YME1L1: variants seen among roughly 807,000 people sequenced by gnomAD.
YME1L1 encodes ATP-dependent zinc metalloprotease YME1L1.
In YME1L1, 39 loss-of-function variants were observed where a neutral mutation model predicts 90.4. The observed-to-expected ratio is 0.43, with a 90% confidence interval of 0.33 to 0.56. The LOEUF (loss-of-function observed/expected upper bound fraction) is 0.56. YME1L1 is among the 20% of genes least tolerant of loss of function. YME1L1 has a pLI of 0.03. For synonymous variants in YME1L1, 284 were observed against 287.3 expected (o/e 0.99, Z 0.12); for missense variants, 617 against 868.4 (o/e 0.71, Z 3.64).
At chr10:27,132,721 A>T in intron 7 of YME1L1, among the ~76,000 whole-genome samples, 2 of 152,048 alleles carry the variant, frequency 1.3e-5, no homozygotes, top group Non-Finnish European at 2.9e-5. Flanking sequence ...CGGGAGGCTG[A>T]GGCAGTGAAA....
intron 1 of YME1L1, chr10:27,153,099 C>T: frequency 2.2e-6 from 1 of 450,630 alleles, no homozygotes; most frequent in South Asian, 1.6e-5. Flanking sequence ...TAAACCCTTT[C>T]CTAACTCAGG....
intron 4 of YME1L1, 54 bp downstream of exon 4, chr10:27,142,333 G>C: frequency 9.5e-7 from 1 of 1,047,648 alleles, no homozygotes; most frequent in Non-Finnish European, 1.3e-6. Context: ...AGACAAATCA[G>C]ACTATAGTAA....
intron 18 of YME1L1, among the ~76,000 whole-genome samples, chr10:27,112,911 C>T (rs116973570): frequency 0.017 from 2,571 of 152,164 alleles, 145 homozygotes; most frequent in East Asian, 0.16. Flanking sequence ...GTTGCCCAGG[C>T]TGGTCAGTCT....
intron 3 of YME1L1, among the ~76,000 whole-genome samples, chr10:27,143,810 G>T (rs182115063): frequency 2.1e-3 from 313 of 152,124 alleles, no homozygotes; most frequent in African/African-American, 7.3e-3. Flanking sequence ...AAGCTCTAAT[G>T]GTATAATAAA....
intron 4 of YME1L1, among the ~76,000 whole-genome samples, chr10:27,139,351 G>A (rs1239757789): frequency 1.3e-5 from 2 of 151,996 alleles, no homozygotes; most frequent in African/African-American, 2.4e-5. Context: ...ATGATACCAC[G>A]ACGGGCTAAT....
chr10:27,145,780 T>C, intron 2 of YME1L1, 190 bp from the exon 3 acceptor site: 1 of 423,736 alleles, frequency 2.4e-6, no homozygotes, highest in Non-Finnish European at 4.0e-6. Flanking sequence ...CATATGAGGT[T>C]TGACATAGGT....
intron 18 of YME1L1, 144 bp downstream of exon 18, chr10:27,114,377 C>G (rs2056790411): frequency 1.7e-6 from 1 of 601,626 alleles, no homozygotes; most frequent in South Asian, 2.6e-5. Context: ...AATTTTTTCC[C>G]CAGACACCAT....
chr10:27,119,571 G>A (rs2056845930), intron 13 of YME1L1, 122 bp from the exon 14 acceptor site: 2 of 1,032,678 alleles, frequency 1.9e-6, no homozygotes, highest in African/African-American at 1.7e-5. Context: ...CACTTTGGGA[G>A]GCTGGGGCAG....
intron 11 of YME1L1, among the ~76,000 whole-genome samples, chr10:27,122,348 C>T (rs2056876063): frequency 6.6e-6 from 1 of 152,118 alleles, no homozygotes; most frequent in South Asian, 2.1e-4. Context: ...AAATTATTTG[C>T]TCCTGGGCTT....
intron 14 of YME1L1, 97 bp downstream of exon 14, chr10:27,119,197 G>T: frequency 8.5e-7 from 1 of 1,171,226 alleles, no homozygotes; most frequent in Non-Finnish European, 1.2e-6. Context: ...ATTCAACATA[G>T]CCATGGCTTT....
At position 27,122,870 on chromosome 10, in the gene YME1L1, G is replaced by C. The variant is rs2056880850; in HGVS notation, c.1206C>G (p.Thr402=). 6.2e-7 allele frequency: 1 copy of C among 1,613,162 alleles called. No individual in the cohort carries two copies. The highest frequency in any genetic ancestry group is 1.1e-5 in the South Asian group (1 of 91,028). The change falls in exon 11 of 19, where the codon ACC becomes ACG. Residue 402 remains threonine (T), a synonymous_variant. Transcript: ENST00000376016. ...CCATTTCAGCAAGAAGTTGATTTATGGTCTGCCTTGAATATGGATGCATTG... is the reference window on the plus strand; with the variant it reads ...CCATTTCAGCAAGAAGTTGATTTATCGTCTGCCTTGAATATGGATGCATTG... ...ESPMHPYSRQ[T]INQLLAEMDG... is the part of the protein sequence containing the mutation.
Position 27,111,874 on chromosome 10 carries a change from ACAC to A in YME1L1, c.*100_*102del. ...ACAAAGCATTTCACACCCTTCAATT[ACAC>A]CACATCAAGAATGAGGGGAAAGCGT... On this transcript the variant is annotated 3_prime_UTR_variant, in exon 19 of 19. Transcript: ENST00000376016. 1 of 1,419,810 alleles carries A rather than the reference ACAC, an allele frequency of 7.0e-7. No homozygotes were observed. The highest frequency in any genetic ancestry group is 1.4e-5 in the African/African-American group (1 of 71,002). 88.0% of individuals were successfully genotyped at this position (1,419,810 alleles called of 1,614,324 possible).
At position 27,154,338 on chromosome 10, in the gene YME1L1, G is replaced by A; in HGVS notation, c.-128C>T. 8.5e-7 allele frequency: 1 copy of A among 1,177,828 alleles called. No homozygotes were observed. The highest frequency in any genetic ancestry group is 2.6e-5 in the East Asian group (1 of 37,760). 73.0% of individuals were successfully genotyped at this position (1,177,828 alleles called of 1,614,324 possible). A position where few individuals can be genotyped will look rare whatever the true frequency, so the allele number is the denominator to read the frequency against. On this transcript the variant is annotated 5_prime_UTR_variant, in exon 1 of 19. Transcript: ENST00000376016. Reference sequence around the variant, plus strand: ...GACCCGTTGCCCCTCACTCCTCCCAGAAACGGAAAATGGCCTCCCCTTCCT... The same window carrying A: ...GACCCGTTGCCCCTCACTCCTCCCAAAAACGGAAAATGGCCTCCCCTTCCT...
In YME1L1 at chr10:27,145,343, C is replaced by A; in HGVS notation, c.331+85G>T. On this transcript the variant is annotated intron_variant, in intron 3 of 18. Coordinates refer to ENST00000376016, the MANE Select transcript of YME1L1 (RefSeq NM_014263.4). ...AGGAAAGAACCCAGCCCACAATAAA[C>A]GCTACTGTGAAAGCTAAGAAATGGT... The A allele has an allele frequency of 7.5e-6, 8 of 1,064,034 alleles. No homozygotes were observed. In the East Asian group the frequency reaches 1.3e-4, roughly 17 times the overall value. 65.9% of individuals were successfully genotyped at this position (1,064,034 alleles called of 1,614,324 possible). A position where few individuals can be genotyped will look rare whatever the true frequency, so the allele number is the denominator to read the frequency against.
chr10:27,148,907 T>C lies in YME1L1; in HGVS notation c.167A>G (p.Glu56Gly). The change falls in exon 2 of 19, where the codon GAG becomes GGG. Residue 56 changes from glutamate to glycine, a missense_variant and splice_region_variant. Physicochemically the swap from Glu to Gly is moderately conservative, Grantham distance 98. Around this residue, in one of 4 missense-constraint regions of YME1L1, gnomAD observed 311 missense variants for 335.8 expected, o/e 0.93. Coordinates refer to ENST00000376016, the MANE Select transcript of YME1L1 (RefSeq NM_014263.4). ...VVPEHEAPSS[E>G]PSLNLRDLGL... ...CACACAACCAGGATAAAGACTTACC[T>C]CACTGCTGGGAGCCTCATGCTCAGG... The C allele has an allele frequency of 6.2e-7, 1 of 1,613,788 alleles. No individual in the cohort carries two copies. The highest frequency in any genetic ancestry group is 8.5e-7 in the Non-Finnish European group (1 of 1,179,966).
At chr10:27,133,962 G>T (rs1420891061) in intron 7 of YME1L1, 77 bp downstream of exon 7, 6 of 985,180 alleles carry the variant, frequency 6.1e-6, no homozygotes, top group African/African-American at 1.6e-5. Context: ...TTTCTTTAAG[G>T]GTTAGATTAG....
At chr10:27,148,438 G>A (rs2057170208) in intron 2 of YME1L1, among the ~76,000 whole-genome samples, 1 of 151,984 alleles carries the variant, frequency 6.6e-6, no homozygotes, top group African/African-American at 2.4e-5. Flanking sequence ...CCTGACCTCA[G>A]GTGATCCTTG....
At chr10:27,114,671 G>C in intron 17 of YME1L1, 64 bp from the exon 18 acceptor site, 2 of 1,234,236 alleles carry the variant, frequency 1.6e-6, no homozygotes, top group East Asian at 2.3e-5. Flanking sequence ...ATTTGAAAGA[G>C]AAAGTACTAT....
Position 27,148,962 on chromosome 10 carries a change from C to G in YME1L1, c.112G>C (p.Val38Leu). 6.2e-7 allele frequency: 1 copy of G among 1,614,064 alleles called. No homozygotes were observed. The highest frequency in any genetic ancestry group is 1.1e-5 in the South Asian group (1 of 91,074). ...ACATCTCGATGCTGGTTTTGAGAAACTGACACTCCACTGAGAGAAACAGAA... is the reference window on the plus strand; with the variant it reads ...ACATCTCGATGCTGGTTTTGAGAAAGTGACACTCCACTGAGAGAAACAGAA... ...NTSVSLSGVS[V>L]SQNQHRDVVP... is the part of the protein sequence containing the mutation. The change falls in exon 2 of 19, where the codon GTT becomes CTT. Residue 38 changes from valine (V) to leucine (L), a missense_variant. Physicochemically the swap from Val to Leu is conservative, Grantham distance 32. This residue lies in a region of YME1L1 where 311 missense variants were observed against 335.8 expected (regional missense o/e 0.93). Transcript: ENST00000376016.
Sources: gnomAD v4.1 joint callset for allele counts (sites outside exome capture counted in the v4.1 genomes callset) on GRCh38, gnomAD v4.1.1 for gene constraint, gnomAD v4.1.1 regional missense constraint, MANE v1.5 for transcripts, NCBI Gene and HGNC (gene_info 2026-07-23, HGNC 2026-07-21) for gene names.